The following BCAS3 variants were observed in gnomAD, a reference collection of about 807,000 sequenced individuals.
The protein encoded by BCAS3 is BCAS4/BCAS3 fusion.
In BCAS3, 53 loss-of-function variants were observed where a neutral mutation model predicts 116.1. The observed-to-expected ratio is 0.46, with a 90% CI of 0.37 to 0.57. The LOEUF (loss-of-function observed/expected upper bound fraction) is 0.57, where lower values mean the gene tolerates loss of function less well. BCAS3 is among the 20% of genes least tolerant of loss of function. The pLI is 0.00. For missense variants in BCAS3, 917 were observed against 1,165.4 expected (o/e 0.79, Z 3.10); for synonymous variants, 391 against 408.2 (o/e 0.96, Z 0.51).
intron 6 of BCAS3, among the ~76,000 whole-genome samples, chr17:60,748,717 A>G (rs1473456932): frequency 6.6e-6 from 1 of 152,212 alleles, no homozygotes; most frequent in Non-Finnish European, 1.5e-5. Flanking sequence ...AGGCAGAAAT[A>G]TGTCTTGAAA....
Position 61,387,222 on chromosome 17 carries a change from C to T in BCAS3, c.2594-4755C>T, listed in dbSNP as rs572497519. Among the ~76,000 whole-genome samples the T allele has an allele frequency of 1.3e-5, 2 of 152,370 alleles. No homozygotes were observed. The highest frequency in any genetic ancestry group is 1.9e-4 in the East Asian group (1 of 5,184). The stretch of plus-strand genomic sequence containing the variant: ...ACAGCCTGGCAAAGGGGCCACAACA[C>T]TGCACTGTGGGTGGAGGTGCATGGG... On this transcript the variant is annotated intron_variant, in intron 23 of 23. Transcript: ENST00000407086. The surrounding 1 kb of genome is among the most constrained non-coding windows in gnomAD (Gnocchi z 6.2).
intron 6 of BCAS3, among the ~76,000 whole-genome samples, chr17:60,755,862 G>A (rs1485251305): frequency 5.3e-5 from 8 of 151,854 alleles, no homozygotes; most frequent in Admixed American, 5.3e-4. Context: ...TATTTCTTAC[G>A]TGCATAGAAT....
At chr17:60,713,990 T>C (rs1478840274) in intron 5 of BCAS3, among the ~76,000 whole-genome samples, 6 of 152,088 alleles carry the variant, frequency 3.9e-5, no homozygotes, top group Admixed American at 2.6e-4. Context: ...TGAGCCACCA[T>C]GCCAGGCTAA....
intron 19 of BCAS3, among the ~76,000 whole-genome samples, chr17:61,045,625 G>A (rs1183783791): frequency 6.7e-6 from 1 of 149,144 alleles, no homozygotes; most frequent in African/African-American, 2.5e-5. Context: ...ATATCAGCCT[G>A]GCCAACATGA....
chr17:60,991,184 A>C (rs1021758807), intron 15 of BCAS3, among the ~76,000 whole-genome samples: 2 of 152,050 alleles, frequency 1.3e-5, no homozygotes, highest in African/African-American at 4.8e-5. Flanking sequence ...TATTGTTTCC[A>C]TTTTATGTAA....
intron 15 of BCAS3, among the ~76,000 whole-genome samples, chr17:61,005,161 T>A (rs565720532): frequency 1.3e-5 from 2 of 152,278 alleles, no homozygotes; most frequent in African/African-American, 4.8e-5. Flanking sequence ...CTGTCAAGGA[T>A]CTTTTGTAAA....
intron 15 of BCAS3, among the ~76,000 whole-genome samples, chr17:60,992,512 A>T (rs1047670135): frequency 2.6e-5 from 4 of 152,152 alleles, no homozygotes; most frequent in African/African-American, 9.7e-5. Flanking sequence ...AATAGTAGAC[A>T]CTGGGGACTC....
Position 61,288,660 on chromosome 17 carries a change from C to T in BCAS3, c.2426-79667C>T, listed in dbSNP as rs535060635. On this transcript the variant is annotated intron_variant, in intron 22 of 23. Coordinates refer to ENST00000407086, the MANE Select transcript of BCAS3 (RefSeq NM_017679.5). Reference sequence around the variant, plus strand: ...GACTGATAGAGACAAGGAACCAAGTCGGCAGCAACCACAAGATATGGCGCA... The same window carrying T: ...GACTGATAGAGACAAGGAACCAAGTTGGCAGCAACCACAAGATATGGCGCA... Among the ~76,000 whole-genome samples the T allele has an allele frequency of 3.0e-4, 45 of 152,242 alleles. No homozygotes were observed. In the East Asian group the frequency reaches 7.0e-3, roughly 24 times the overall value.
At chr17:61,360,965 T>C (rs1432634013) in intron 22 of BCAS3, among the ~76,000 whole-genome samples, 1 of 152,234 alleles carries the variant, frequency 6.6e-6, no homozygotes, top group Non-Finnish European at 1.5e-5. Flanking sequence ...ACTCTTATGG[T>C]ATAACTGCTG....
intron 7 of BCAS3, among the ~76,000 whole-genome samples, chr17:60,865,911 T>C (rs557496698): frequency 1.8e-4 from 27 of 152,250 alleles, no homozygotes; most frequent in African/African-American, 6.3e-4. Context: ...TAGAAGAAAT[T>C]CTAATTATGG....
chr17:60,991,765 T>TA (rs2063540100), intron 15 of BCAS3, among the ~76,000 whole-genome samples: 1 of 152,188 alleles, frequency 6.6e-6, no homozygotes, highest in Admixed American at 6.5e-5. Flanking sequence ...TTTAAGCACT[T>TA]ACTCCTCATT....
intron 5 of BCAS3, among the ~76,000 whole-genome samples, chr17:60,723,433 C>T (rs1169324538): frequency 6.6e-6 from 1 of 152,006 alleles, no homozygotes; most frequent in African/African-American, 2.4e-5. Context: ...GGCATGTTGG[C>T]CAGGCTCTTC....
intron 4 of BCAS3, among the ~76,000 whole-genome samples, chr17:60,709,003 G>T (rs1396338798): frequency 6.6e-6 from 1 of 152,058 alleles, no homozygotes; most frequent in Non-Finnish European, 1.5e-5. Context: ...AAATGGTGTG[G>T]CTAGAAGCTA....
rs765437576 is a variant in BCAS3, at chr17:61,074,911, C to G, written c.2030-9C>G. On this transcript the variant is annotated splice_polypyrimidine_tract_variant and intron_variant, in intron 19 of 23. Coordinates refer to ENST00000407086, the MANE Select transcript of BCAS3 (RefSeq NM_017679.5). ...GAAGTGGTTTAAATCTATTTTCTTTCTCCTATAGTGGTTCCCCCTGGAAGT... is the reference window on the plus strand; with the variant it reads ...GAAGTGGTTTAAATCTATTTTCTTTGTCCTATAGTGGTTCCCCCTGGAAGT... 1 of 1,594,460 alleles carries G rather than the reference C, an allele frequency of 6.3e-7. No homozygotes were observed. Among genetic ancestry groups the G allele is most frequent in the Non-Finnish European group, 8.6e-7 (1 of 1,164,268 alleles).
At chr17:61,043,450 G>T (rs1414722427) in intron 19 of BCAS3, among the ~76,000 whole-genome samples, 2 of 152,158 alleles carry the variant, frequency 1.3e-5, no homozygotes, top group East Asian at 3.9e-4. Context: ...GTCCTTGAAT[G>T]ATGTCATTTT....
intron 7 of BCAS3, among the ~76,000 whole-genome samples, chr17:60,820,824 G>A (rs1474777666): frequency 6.6e-6 from 1 of 152,154 alleles, no homozygotes; most frequent in African/African-American, 2.4e-5. Flanking sequence ...TGGTTAAACT[G>A]AGCCATGAAA....
At chr17:60,695,592 A>G (rs1440944793) in intron 4 of BCAS3, among the ~76,000 whole-genome samples, 3 of 152,084 alleles carry the variant, frequency 2.0e-5, no homozygotes, top group African/African-American at 7.2e-5. Flanking sequence ...ACTGTTTTCC[A>G]TAGAAGATTT....
rs1379065750 is a variant in BCAS3, at chr17:61,082,583, TA to T, written c.2328-1883del. The stretch of plus-strand genomic sequence containing the variant: ...GTATTAGCCCACATAGGAAGTTGTT[TA>T]GACTAGAAGGGGGCATAATTTTGAA... On this transcript the variant is annotated intron_variant, in intron 21 of 23. Transcript: ENST00000407086. The surrounding 1 kb of genome is among the most constrained non-coding windows in gnomAD (Gnocchi z 5.1). Among the ~76,000 whole-genome samples the T allele has an allele frequency of 6.6e-6, 1 of 152,206 alleles. No individual in the cohort carries two copies. The highest frequency in any genetic ancestry group is 1.5e-5 in the Non-Finnish European group (1 of 68,032).
At chr17:61,351,332 G>C (rs1197093741) in intron 22 of BCAS3, among the ~76,000 whole-genome samples, 5 of 152,164 alleles carry the variant, frequency 3.3e-5, no homozygotes. Flanking sequence ...AAGCCAAACA[G>C]CATGGGAATT....
Sources: gnomAD v4.1 joint callset for allele counts (sites outside exome capture counted in the v4.1 genomes callset) on GRCh38, gnomAD v4.1.1 for gene constraint, Gnocchi (gnomAD v3.1) non-coding constraint, MANE v1.5 for transcripts, NCBI Gene and HGNC (gene_info 2026-07-23, HGNC 2026-07-21) for gene names.